Variants in TBC1D5 observed in about 807,000 individuals in gnomAD.
The protein encoded by TBC1D5 is TBC1 domain family, member 5.
Under a neutral mutation model 100.3 loss-of-function variants are expected in TBC1D5, and 75 were observed. The ratio of observed to expected loss-of-function variants is 0.75; its 90% CI spans 0.62 to 0.91. The LOEUF (loss-of-function observed/expected upper bound fraction) is 0.91. Ranked by LOEUF, TBC1D5 falls within the 40% of genes least tolerant of loss-of-function variation. The pLI is 0.00. For synonymous variants in TBC1D5, 323 were observed against 325.6 expected (o/e 0.99, Z 0.09); for missense variants, 910 against 942.4 (o/e 0.97, Z 0.45).
intron 3 of TBC1D5, among the ~76,000 whole-genome samples, chr3:17,499,598 G>A (rs1576375791): frequency 6.8e-6 from 1 of 147,970 alleles, no homozygotes; most frequent in South Asian, 2.1e-4. Context: ...GAAAGGCTGG[G>A]GTGGGAGGAT....
chr3:17,428,037 T>C (rs866877426), intron 4 of TBC1D5, among the ~76,000 whole-genome samples: 11 of 151,864 alleles, frequency 7.2e-5, no homozygotes, highest in South Asian at 2.1e-4. Flanking sequence ...TGAACTACAT[T>C]TTAAGCTCTC....
intron 2 of TBC1D5, among the ~76,000 whole-genome samples, chr3:17,529,632 G>A (rs1252180820): frequency 6.6e-6 from 1 of 150,866 alleles, no homozygotes; most frequent in African/African-American, 2.5e-5. Flanking sequence ...TACAAAGAAG[G>A]CATTATTATT....
At chr3:17,217,361 A>G (rs1482766790) in intron 17 of TBC1D5, among the ~76,000 whole-genome samples, 8 of 152,092 alleles carry the variant, frequency 5.3e-5, no homozygotes, top group Non-Finnish European at 1.5e-5. Flanking sequence ...TTATGTGGAC[A>G]TATTGTTTCC....
intron 1 of TBC1D5, among the ~76,000 whole-genome samples, chr3:17,691,380 C>T (rs1477835314): frequency 6.6e-6 from 1 of 152,170 alleles, no homozygotes; most frequent in Non-Finnish European, 1.5e-5. Flanking sequence ...CACAAAGTGG[C>T]CTTCACAAAG....
At chr3:17,389,513 AAGC>A (rs1294140637) in intron 8 of TBC1D5, among the ~76,000 whole-genome samples, 2 of 152,094 alleles carry the variant, frequency 1.3e-5, no homozygotes, top group African/African-American at 4.8e-5. Context: ...TGCTGTAAGG[AAGC>A]CAAACAGCCA....
At chr3:17,380,049 G>GTA (rs200310042) in intron 9 of TBC1D5, among the ~76,000 whole-genome samples, 2,770 of 117,864 alleles carry the variant, frequency 0.024, 37 homozygotes, top group Non-Finnish European at 0.032. Flanking sequence ...CTGTGTATGT[G>GTA]TGTGTGTGTG....
intron 17 of TBC1D5, among the ~76,000 whole-genome samples, chr3:17,224,905 G>C (rs1418372138): frequency 6.6e-6 from 1 of 152,036 alleles, no homozygotes; most frequent in Non-Finnish European, 1.5e-5. Flanking sequence ...ATTTCAAATT[G>C]GTGGTAGTAT....
chr3:17,551,607 T>C (rs547691530), intron 2 of TBC1D5, among the ~76,000 whole-genome samples: 1 of 152,278 alleles, frequency 6.6e-6, no homozygotes, highest in East Asian at 1.9e-4. Context: ...CAATTAAAGA[T>C]GCTCTTAGTG....
chr3:17,241,888 A>G (rs1329196565), intron 16 of TBC1D5, among the ~76,000 whole-genome samples: 20 of 152,206 alleles, frequency 1.3e-4, no homozygotes, highest in Non-Finnish European at 8.8e-5. Flanking sequence ...AAAAACCCCA[A>G]ATTATCTCAT....
intron 1 of TBC1D5, among the ~76,000 whole-genome samples, chr3:17,691,079 T>A (rs1036657534): frequency 1.3e-5 from 2 of 152,210 alleles, no homozygotes; most frequent in African/African-American, 4.8e-5. Context: ...CTAACGTTGG[T>A]AAAACTGAGC....
chr3:17,225,735 T>C (rs899695774), intron 17 of TBC1D5, among the ~76,000 whole-genome samples: 33 of 151,820 alleles, frequency 2.2e-4, no homozygotes, highest in African/African-American at 7.3e-4. Flanking sequence ...TCCCACCTAC[T>C]CAGGAAGCTG....
intron 14 of TBC1D5, among the ~76,000 whole-genome samples, chr3:17,299,586 C>A (rs576121969): frequency 2.6e-5 from 4 of 152,054 alleles, no homozygotes; most frequent in African/African-American, 7.2e-5. Flanking sequence ...TGGCCGGGTG[C>A]GGTGGCTCAC....
At chr3:17,403,882 A>G (rs1024567912) in intron 7 of TBC1D5, among the ~76,000 whole-genome samples, 2 of 152,118 alleles carry the variant, frequency 1.3e-5, no homozygotes, top group African/African-American at 2.4e-5. Flanking sequence ...TAACAACAGA[A>G]AGGTGCTTGG....
intron 3 of TBC1D5, among the ~76,000 whole-genome samples, chr3:17,460,218 C>T (rs1459282304): frequency 6.6e-6 from 1 of 152,150 alleles, no homozygotes. Context: ...ATGATCTTTA[C>T]ATGTAACAAA....
chr3:17,269,634 TCTCCCTCCCTCC>T (rs796913159), intron 15 of TBC1D5, among the ~76,000 whole-genome samples: 1 of 151,886 alleles, frequency 6.6e-6, no homozygotes, highest in Non-Finnish European at 1.5e-5. Flanking sequence ...ATGGGTCTTG[TCTCCCTCCCTCC>T]CTCCCTCCCT....
intron 18 of TBC1D5, among the ~76,000 whole-genome samples, chr3:17,197,875 A>T (rs1426437393): frequency 6.6e-6 from 1 of 152,130 alleles, no homozygotes; most frequent in East Asian, 1.9e-4. Flanking sequence ...CATGTCTACA[A>T]AAAATACAAA....
intron 15 of TBC1D5, among the ~76,000 whole-genome samples, chr3:17,285,555 C>T (rs560545128): frequency 7.9e-5 from 12 of 152,016 alleles, no homozygotes; most frequent in African/African-American, 2.7e-4. Flanking sequence ...CCACCGCGCC[C>T]GGCCGGATTT....
chr3:17,397,171 C>G (rs1278764655), intron 8 of TBC1D5, among the ~76,000 whole-genome samples: 17 of 151,970 alleles, frequency 1.1e-4, no homozygotes. Flanking sequence ...ACTTCCCTAC[C>G]TGCTCCTTTT....
chr3:17,669,190 TCTC>T (rs2067636527), intron 1 of TBC1D5, among the ~76,000 whole-genome samples: 1 of 152,112 alleles, frequency 6.6e-6, no homozygotes, highest in South Asian at 2.1e-4. Context: ...GCTCAGCACT[TCTC>T]CTTCCCGCCA....
Sources: allele counts gnomAD v4.1 joint callset (sites outside exome capture counted in the v4.1 genomes callset), GRCh38; gene constraint gnomAD v4.1.1; transcripts MANE v1.5; gene names NCBI Gene and HGNC (gene_info 2026-07-23, HGNC 2026-07-21).